The following SUPT6H variants were observed in gnomAD, a reference collection of about 807,000 sequenced individuals.
SUPT6H encodes the protein SPT6 homolog, histone chaperone and transcription elongation factor, also known as transcription elongation factor SPT6.
A neutral mutation model predicts 222.3 loss-of-function variants in SUPT6H; 11 were observed. That is an observed-to-expected ratio of 0.05 (90% CI 0.03 to 0.08). The LOEUF (loss-of-function observed/expected upper bound fraction) is 0.08. Ranked by LOEUF, SUPT6H falls within the 10% of genes least tolerant of loss-of-function variation. The pLI is 1.00. For synonymous variants in SUPT6H, 762 were observed against 801.2 expected (o/e 0.95, Z 0.83); for missense variants, 1,422 against 2,216.0 (o/e 0.64, Z 7.19).
intron 4 of SUPT6H, 161 bp downstream of exon 4, chr17:28,674,774 C>A: frequency 2.2e-6 from 2 of 890,842 alleles, no homozygotes; most frequent in Non-Finnish European, 3.5e-6. Context: ...CATCCCAGAT[C>A]TGGGTGCCTG....
At position 28,701,685 on chromosome 17, in the gene SUPT6H, G is replaced by GC; in HGVS notation, c.*62dup. The GC allele has an allele frequency of 6.6e-7, 1 of 1,513,576 alleles. No homozygotes were observed. Among genetic ancestry groups the GC allele is most frequent in the Non-Finnish European group, 8.9e-7 (1 of 1,118,044 alleles). The allele number at this position is 1,513,576 out of a possible 1,614,324, so 93.8% of individuals were successfully genotyped here. On this transcript the variant is annotated 3_prime_UTR_variant, in exon 37 of 37. Transcript: ENST00000314616. ...GCTGGGAAAGGCCTGGCTGCCCACTGCCTCCCTCCCTGCCCCTCCTTTTAT... is the reference window on the plus strand; with the variant it reads ...GCTGGGAAAGGCCTGGCTGCCCACTGCCCTCCCTCCCTGCCCCTCCTTTTAT...
chr17:28,667,744 C>G (rs1280347185), intron 1 of SUPT6H, among the ~76,000 whole-genome samples: 2 of 151,660 alleles, frequency 1.3e-5, no homozygotes, highest in Non-Finnish European at 2.9e-5. Context: ...CTCTCATAGT[C>G]CAGTTATATA....
Position 28,696,887 on chromosome 17 carries a change from C to T in SUPT6H, c.4014C>T (p.Ile1338=). Residue 1338 remains isoleucine (I), a synonymous_variant, in exon 30 of 37, where the codon ATC becomes ATT. Transcript: ENST00000314616. ...RVIAHPSFHN[I]NFKQAEKMME... is the part of the protein sequence containing the mutation. ...TCGCACACCCATCCTTCCATAATAT[C>T]AATTTCAAGCAAGCAGAAAAGATGA... The T allele has an allele frequency of 1.2e-6, 2 of 1,614,002 alleles. No individual in the cohort carries two copies. Among genetic ancestry groups the T allele is most frequent in the Non-Finnish European group, 1.7e-6 (2 of 1,180,024 alleles).
At chr17:28,664,226 G>T (rs923165212) in intron 1 of SUPT6H, among the ~76,000 whole-genome samples, 1 of 152,062 alleles carries the variant, frequency 6.6e-6, no homozygotes, top group Non-Finnish European at 1.5e-5. Context: ...TAAATGCTGG[G>T]GCTGGTCGCA....
chr17:28,663,827 C>CCTTTTTTT (rs1567681347), intron 1 of SUPT6H, among the ~76,000 whole-genome samples: 1 of 8,410 alleles, frequency 1.2e-4, no homozygotes, highest in Non-Finnish European at 3.1e-4. Flanking sequence ...CTGCCCACTC[C>CCTTTTTTT]ATTTTTTTTT....
intron 8 of SUPT6H, 81 bp downstream of exon 8, chr17:28,677,897 A>G (rs765293995): frequency 1.6e-5 from 23 of 1,397,412 alleles, no homozygotes; most frequent in Admixed American, 5.1e-5. Context: ...CCCCTATTTC[A>G]TACATCCGTG....
chr17:28,700,016 TC>T (rs2032068737), intron 33 of SUPT6H, 123 bp downstream of exon 33: 1 of 1,375,058 alleles, frequency 7.3e-7, no homozygotes, highest in South Asian at 1.2e-5. Context: ...GTCTTACTCC[TC>T]CTGCAGCCTC....
Position 28,662,211 on chromosome 17 carries a change from G to A in SUPT6H, c.-163G>A. ...GCCGGAAATGACGTAGCACGTTGAC[G>A]CAGCAGCGGCGGCGGTGGCGGCGGA... On this transcript the variant is annotated 5_prime_UTR_variant, in exon 1 of 37. Coordinates refer to ENST00000314616, the MANE Select transcript of SUPT6H (RefSeq NM_003170.5). The A allele has an allele frequency of 4.3e-6, 1 of 232,582 alleles. No individual in the cohort carries two copies. The highest frequency in any genetic ancestry group is 9.3e-5 in the East Asian group (1 of 10,748). 14.4% of individuals were successfully genotyped at this position (232,582 alleles called of 1,614,324 possible). A position where few individuals can be genotyped will look rare whatever the true frequency, so the allele number is the denominator to read the frequency against.
Position 28,686,329 on chromosome 17 carries a change from T to A in SUPT6H, c.2488-10T>A, listed in dbSNP as rs527534733. Reference sequence around the variant, plus strand: ...CAGAGCCATTCAGCTTCAATTTTCTTTCAATCCAGGCTCAAGACATTGAAA... The same window carrying A: ...CAGAGCCATTCAGCTTCAATTTTCTATCAATCCAGGCTCAAGACATTGAAA... On this transcript the variant is annotated splice_polypyrimidine_tract_variant and intron_variant, in intron 19 of 36. Transcript: ENST00000314616. The A allele has an allele frequency of 3.1e-6, 5 of 1,613,712 alleles. No individual in the cohort carries two copies. The highest frequency in any genetic ancestry group is 4.2e-6 in the Non-Finnish European group (5 of 1,179,760).
chr17:28,686,848 G>A, intron 21 of SUPT6H, 59 bp downstream of exon 21: 1 of 1,532,846 alleles, frequency 6.5e-7, no homozygotes, highest in Non-Finnish European at 8.7e-7. Context: ...ATCCCAAAGA[G>A]ATTAAATTGG....
intron 27 of SUPT6H, chr17:28,691,795 A>G (rs1397963964): frequency 2.6e-5 from 4 of 151,544 alleles, no homozygotes; most frequent in African/African-American, 9.7e-5. Context: ...GCTTGCAGTG[A>G]GCCAAGATAG....
intron 11 of SUPT6H, among the ~76,000 whole-genome samples, chr17:28,680,399 A>C (rs910931625): frequency 1.9e-4 from 29 of 152,050 alleles, no homozygotes; most frequent in African/African-American, 6.5e-4. Flanking sequence ...GGAGTTTGAG[A>C]CCAGACTGGC....
intron 1 of SUPT6H, 35 bp from the exon 2 acceptor site, chr17:28,673,336 C>A: frequency 7.5e-7 from 1 of 1,328,544 alleles, no homozygotes. Flanking sequence ...AATCATGTGT[C>A]CGTTTTTTTA....
chr17:28,701,359 C>T, intron 36 of SUPT6H, 80 bp from the exon 37 acceptor site: 7 of 1,540,526 alleles, frequency 4.5e-6, no homozygotes, highest in African/African-American at 1.4e-5. Context: ...GTATGAGGTT[C>T]CTTTCTGCAA....
rs2030435645 is a variant in SUPT6H at position 28,671,872 on chromosome 17, G to T, written c.-31-1499G>T. ...TCCAGGTTAAGAAAGTGATATTCAG[G>T]CATGTCCAATAATTTGCTTAAGTTT... On this transcript the variant is annotated intron_variant, in intron 1 of 36. Transcript: ENST00000314616. Among the ~76,000 whole-genome samples the T allele has an allele frequency of 3.3e-5, 5 of 152,268 alleles. No homozygotes were observed. In the South Asian group the frequency reaches 1.0e-3, roughly 32 times the overall value.
chr17:28,690,050 G>A, intron 25 of SUPT6H, 32 bp from the exon 26 acceptor site: 1 of 1,596,176 alleles, frequency 6.3e-7, no homozygotes, highest in Non-Finnish European at 8.6e-7. Flanking sequence ...GGGGGCAGCT[G>A]CAAGGCTCTT....
At chr17:28,664,955 C>T (rs2151595697) in intron 1 of SUPT6H, among the ~76,000 whole-genome samples, 1 of 152,210 alleles carries the variant, frequency 6.6e-6, no homozygotes, top group African/African-American at 2.4e-5. Context: ...TCACTTTTAC[C>T]ACCTTATTCC....
At chr17:28,668,879 A>G (rs2030248751) in intron 1 of SUPT6H, among the ~76,000 whole-genome samples, 1 of 152,160 alleles carries the variant, frequency 6.6e-6, no homozygotes, top group Non-Finnish European at 1.5e-5. Context: ...TAAGACTTTC[A>G]CTTTTGGCAG....
chr17:28,672,037 T>C (rs1448460063), intron 1 of SUPT6H, among the ~76,000 whole-genome samples: 2 of 152,204 alleles, frequency 1.3e-5, no homozygotes, highest in Non-Finnish European at 2.9e-5. Flanking sequence ...GAGTAAATGA[T>C]AAAACTAGGC....
Sources: gnomAD v4.1 joint callset for allele counts (sites outside exome capture counted in the v4.1 genomes callset) on GRCh38, gnomAD v4.1.1 for gene constraint, MANE v1.5 for transcripts, NCBI Gene and HGNC (gene_info 2026-07-23, HGNC 2026-07-21) for gene names.